Variants in EPC1 observed in about 807,000 individuals in gnomAD.
EPC1 encodes enhancer of polycomb 1, also known as enhancer of polycomb homolog 1.
A neutral mutation model predicts 98.4 loss-of-function variants in EPC1; 12 were observed. The ratio of observed to expected loss-of-function variants is 0.12; its 90% confidence interval spans 0.08 to 0.20. The LOEUF is 0.20. EPC1 is among the 10% of genes least tolerant of loss of function. The probability of loss-of-function intolerance (pLI) is 1.00; values close to 1 mark genes in which losing one functional copy is unlikely to be tolerated. For synonymous variants in EPC1, 357 were observed against 363.9 expected (o/e 0.98, Z 0.21); for missense variants, 729 against 990.5 (o/e 0.74, Z 3.54).
intron 1 of EPC1, chr10:32,345,155 A>G (rs1415272917): frequency 4.1e-6 from 4 of 980,258 alleles, no homozygotes; most frequent in East Asian, 1.1e-4. Flanking sequence ...ATCACTTATT[A>G]AAAAATAAAC....
At position 32,271,610 on chromosome 10, in the gene EPC1, T is replaced by C. The variant is rs922350885; in HGVS notation, c.2313A>G (p.Ala771=). 4 of 1,614,214 alleles carry C rather than the reference T, an allele frequency of 2.5e-6. No individual in the cohort carries two copies. The highest frequency in any genetic ancestry group is 3.4e-6 in the Non-Finnish European group (4 of 1,180,034). ...VPSSALKLAA[A]ANCQVSKVPS... Reference sequence around the variant, plus strand: ...GGACCTTGGAAACTTGACAGTTTGCTGCAGCGGCCAGCTTTAAGGCAGATG... The same window carrying C: ...GGACCTTGGAAACTTGACAGTTTGCCGCAGCGGCCAGCTTTAAGGCAGATG... The change falls in exon 13 of 14, where the codon GCA becomes GCG. Residue 771 remains alanine (A), a synonymous_variant. Transcript: ENST00000319778.
At chr10:32,296,307 T>C (rs1835154748) in intron 2 of EPC1, among the ~76,000 whole-genome samples, 1 of 152,200 alleles carries the variant, frequency 6.6e-6, no homozygotes, top group African/African-American at 2.4e-5. Context: ...CATCCTCTTC[T>C]TTAGATCGTA....
At chr10:32,288,312 CTTTTTTTTTT>C (rs5784278) in intron 6 of EPC1, among the ~76,000 whole-genome samples, 2 of 124,102 alleles carry the variant, frequency 1.6e-5, no homozygotes, top group African/African-American at 6.4e-5. Flanking sequence ...TTACTTTTTT[CTTTTTTTTTT>C]TTTTTTTTTT....
chr10:32,345,384 AAC>A (rs917443249), intron 1 of EPC1: 3 of 985,330 alleles, frequency 3.0e-6, no homozygotes. Context: ...AAAGAGTTTA[AAC>A]AGTTTTATTT....
intron 2 of EPC1, among the ~76,000 whole-genome samples, chr10:32,304,967 A>G (rs1034924033): frequency 6.6e-6 from 1 of 151,940 alleles, no homozygotes; most frequent in Non-Finnish European, 1.5e-5. Context: ...CCTCTTGATC[A>G]TAAAGATTAA....
intron 1 of EPC1, among the ~76,000 whole-genome samples, chr10:32,325,915 C>G (rs1837246951): frequency 6.6e-6 from 1 of 152,028 alleles, no homozygotes; most frequent in Admixed American, 6.5e-5. Context: ...TACAGTATGC[C>G]TTCCAGTAAG....
chr10:32,286,726 T>G lies in EPC1; in HGVS notation c.1359A>C (p.Gly453=). The change falls in exon 9 of 14, where the codon GGA becomes GGC. Residue 453 remains glycine, a synonymous_variant. Coordinates refer to ENST00000319778, the MANE Select transcript of EPC1 (RefSeq NM_001272004.3). ...TTLTVPQRCI[G]FARRRVGRGG... is the part of the protein sequence containing the mutation. ...CGCGCCCAACCCGTCTTCGTGCAAATCCAATACACCTTTGGGGTACGGTGA... is the reference window on the plus strand; with the variant it reads ...CGCGCCCAACCCGTCTTCGTGCAAAGCCAATACACCTTTGGGGTACGGTGA... 6.2e-7 allele frequency: 1 copy of G among 1,614,148 alleles called. No individual in the cohort carries two copies. The highest frequency in any genetic ancestry group is 8.5e-7 in the Non-Finnish European group (1 of 1,180,038).
chr10:32,330,770 G>T (rs1185812314), intron 1 of EPC1, among the ~76,000 whole-genome samples: 1 of 152,152 alleles, frequency 6.6e-6, no homozygotes, highest in South Asian at 2.1e-4. Flanking sequence ...ACGCATCCTT[G>T]AGAAATAGTT....
chr10:32,313,483 T>C (rs1320210084), intron 1 of EPC1, among the ~76,000 whole-genome samples: 3 of 152,240 alleles, frequency 2.0e-5, no homozygotes, highest in African/African-American at 7.2e-5. Flanking sequence ...AAGTACAATA[T>C]GTTTAGAGAA....
At chr10:32,324,225 C>T (rs1837121928) in intron 1 of EPC1, among the ~76,000 whole-genome samples, 1 of 151,866 alleles carries the variant, frequency 6.6e-6, no homozygotes, top group South Asian at 2.1e-4. Flanking sequence ...GCGTGAGCCA[C>T]TGCGCCCGGC....
chr10:32,332,228 G>C (rs1042163506), intron 1 of EPC1, among the ~76,000 whole-genome samples: 2 of 152,174 alleles, frequency 1.3e-5, no homozygotes, highest in Non-Finnish European at 2.9e-5. Context: ...ACAGCAAACA[G>C]GTTTGTTGAA....
At position 32,364,002 on chromosome 10, in the gene EPC1, A is replaced by AT. The variant is rs35887256; in HGVS notation, c.3+14488dup. Among the ~76,000 whole-genome samples, 142 of 69,318 alleles carry AT rather than the reference A, an allele frequency of 2.0e-3. 18 individuals are homozygous for AT. Among genetic ancestry groups the AT allele is most frequent in the African/African-American group, 8.8e-3 (134 of 15,174 alleles). The allele number at this position is 69,318 out of a possible 152,430, so 45.5% of individuals were successfully genotyped here. On this transcript the variant is annotated intron_variant, in intron 1 of 13. Coordinates refer to the EPC1 transcript ENST00000375110. ...ATAGTATCGTGTCCATCATGTTGGC[A>AT]TTTTTTTTTTTTTTTTTTTTTTTTT...
chr10:32,271,074 C>G (rs1040647609), intron 13 of EPC1, among the ~76,000 whole-genome samples: 2 of 151,554 alleles, frequency 1.3e-5, no homozygotes, highest in African/African-American at 4.9e-5. Context: ...TGGTTGCAAC[C>G]TCCACCTCCC....
At chr10:32,376,634 GATAGAGT>G (rs1235779693) in intron 1 of EPC1, among the ~76,000 whole-genome samples, 1 of 152,070 alleles carries the variant, frequency 6.6e-6, no homozygotes, top group Middle Eastern at 3.2e-3. Context: ...GGGATATATA[GATAGAGT>G]ATAGAGACAC....
intron 1 of EPC1, among the ~76,000 whole-genome samples, chr10:32,371,418 A>C (rs1343979499): frequency 2.0e-5 from 3 of 152,186 alleles, no homozygotes; most frequent in Non-Finnish European, 4.4e-5. Context: ...GAAAAACAGC[A>C]AAATGACACA....
intron 2 of EPC1, among the ~76,000 whole-genome samples, chr10:32,297,770 A>AC (rs1224398706): frequency 6.6e-6 from 1 of 151,800 alleles, no homozygotes; most frequent in Non-Finnish European, 1.5e-5. Flanking sequence ...AGTAAAATAC[A>AC]ACAGGACTTA....
intron 1 of EPC1, among the ~76,000 whole-genome samples, chr10:32,352,696 C>T (rs1267876915): frequency 1.3e-5 from 2 of 152,164 alleles, no homozygotes; most frequent in Non-Finnish European, 2.9e-5. Flanking sequence ...GGAAGAATAG[C>T]TACCATTTAT....
At chr10:32,351,915 G>A (rs1839122848), upstream of EPC1, among the ~76,000 whole-genome samples, 1 of 147,812 alleles carries the variant, frequency 6.8e-6, no homozygotes, top group South Asian at 2.2e-4. Context: ...ATTTTTTTTA[G>A]TAAGGACAGG....
At chr10:32,378,401 T>C in intron 1 of EPC1, 4 of 1,056,806 alleles carry the variant, frequency 3.8e-6, no homozygotes, top group East Asian at 2.7e-5. Context: ...AATACAAAGA[T>C]TGGTTTTGTT....
Sources: allele counts gnomAD v4.1 joint callset (sites outside exome capture counted in the v4.1 genomes callset), GRCh38; gene constraint gnomAD v4.1.1; transcripts MANE v1.5; gene names NCBI Gene and HGNC (gene_info 2026-07-23, HGNC 2026-07-21).